Variants in CHTF8 observed in about 807,000 individuals in gnomAD.
CHTF8 encodes chromosome transmission fidelity factor 8, also known as chromosome transmission fidelity protein 8 homolog.
CHTF8 carries 6 observed loss-of-function variants against 11.0 expected under a neutral mutation model. The ratio of observed to expected loss-of-function variants is 0.55; its 90% CI spans 0.30 to 1.08. The LOEUF is 1.08. CHTF8 is among the 50% of genes least tolerant of loss of function. The probability of loss-of-function intolerance (pLI) is 0.07; values close to 1 mark genes in which losing one functional copy is unlikely to be tolerated. For missense variants in CHTF8, 140 were observed against 153.1 expected (o/e 0.91, Z 0.45); for synonymous variants, 53 against 60.5 (o/e 0.88, Z 0.57).
intron 1 of CHTF8, among the ~76,000 whole-genome samples, chr16:69,126,034 C>T (rs560391458): frequency 9.9e-5 from 15 of 152,006 alleles, no homozygotes; most frequent in Admixed American, 7.2e-4. Context: ...ATTTTAGCCA[C>T]GAATCAAAAA....
chr16:69,121,291 G>C (rs1314897357), intron 2 of CHTF8, 121 bp from the exon 3 acceptor site: 1 of 1,203,080 alleles, frequency 8.3e-7, no homozygotes, highest in Non-Finnish European at 1.2e-6. Flanking sequence ...TGGGAAATTG[G>C]GCAGTGCTAG....
chr16:69,121,637 C>T (rs184518841), intron 1 of CHTF8, 144 bp from the exon 2 acceptor site: 55 of 538,752 alleles, frequency 1.0e-4, no homozygotes, highest in Non-Finnish European at 1.5e-4. Context: ...ACCACTATGG[C>T]CAGCTAACTT....
Position 69,120,685 on chromosome 16 carries a change from G to A in CHTF8, c.142-36C>T, listed in dbSNP as rs199912103. 1.7e-4 allele frequency: 265 copies of A among 1,570,924 alleles called. 2 individuals carry two copies. The South Asian group carries it at 2.3e-3, about 14-fold the overall frequency. On this transcript the variant is annotated intron_variant, in intron 3 of 3. Coordinates refer to ENST00000448552, the MANE Select transcript of CHTF8 (RefSeq NM_001039690.5). This position sits in a 1 kb window ranked among gnomAD's most constrained non-coding sequence, Gnocchi z 4.0. ...ACAAGAACGAGATTCCTGAGGTTCC[G>A]GGGCAAGGCCATAACACTCAGGCGC...
rs1961343497 is a variant in CHTF8, at chr16:69,118,516, C to T, written c.*1909G>A. On this transcript the variant is annotated 3_prime_UTR_variant, in exon 4 of 4. Transcript: ENST00000448552. The stretch of plus-strand genomic sequence containing the variant: ...TACATGTGAACTGGGACCTGCAGGC[C>T]AATGTATCCCTGAGGAAAAGTCCAC... 2 of 1,014,826 alleles carry T rather than the reference C, an allele frequency of 2.0e-6. No homozygotes were observed. The highest frequency in any genetic ancestry group is 1.6e-6 in the Non-Finnish European group (1 of 633,304). 62.9% of individuals were successfully genotyped at this position (1,014,826 alleles called of 1,614,324 possible).
chr16:69,127,473 T>A (rs1249817767), intron 1 of CHTF8, among the ~76,000 whole-genome samples: 2 of 152,162 alleles, frequency 1.3e-5, no homozygotes, highest in East Asian at 3.8e-4. Flanking sequence ...TCTAGTTGTT[T>A]GTTCTAAGAT....
chr16:69,124,372 T>A (rs1057480126), intron 1 of CHTF8, among the ~76,000 whole-genome samples: 2 of 152,144 alleles, frequency 1.3e-5, no homozygotes, highest in African/African-American at 4.8e-5. Context: ...AGTTAATAGG[T>A]ATTATAATTG....
rs148890627 is a variant in CHTF8, at chr16:69,118,841, G to A, written c.*1584C>T. The A allele has an allele frequency of 8.0e-4, 555 of 696,998 alleles. 2 individuals carry two copies. In the African/African-American group the frequency reaches 9.0e-3, roughly 11 times the overall value. 43.2% of individuals were successfully genotyped at this position (696,998 alleles called of 1,614,324 possible). A position where few individuals can be genotyped will look rare whatever the true frequency, so the allele number is the denominator to read the frequency against. On this transcript the variant is annotated 3_prime_UTR_variant, in exon 4 of 4. Transcript: ENST00000448552. The stretch of plus-strand genomic sequence containing the variant: ...GCCTAGAAACCAAGGTGGTCCTGGA[G>A]GGAAAATGGTGTTTAAGGGGGCAAC...
intron 2 of CHTF8, 68 bp from the exon 3 acceptor site, chr16:69,121,238 C>G: frequency 7.0e-7 from 1 of 1,432,036 alleles, no homozygotes; most frequent in Non-Finnish European, 9.7e-7. Context: ...CCTCACACCA[C>G]CATTTGAGGC....
Position 69,119,396 on chromosome 16 carries a change from A to C in CHTF8, c.*1029T>G, listed in dbSNP as rs751142746. ...CCAACTGGCCTTGAGAAATGAGCTG[A>C]ATTAGGGCCTATGGGGCCAGGAGCC... On this transcript the variant is annotated 3_prime_UTR_variant, in exon 4 of 4. Coordinates refer to ENST00000448552, the MANE Select transcript of CHTF8 (RefSeq NM_001039690.5). The C allele has an allele frequency of 1.4e-6, 1 of 702,596 alleles. No homozygotes were observed. The highest frequency in any genetic ancestry group is 1.7e-5 in the African/African-American group (1 of 57,170). 43.5% of individuals were successfully genotyped at this position (702,596 alleles called of 1,614,324 possible). A position where few individuals can be genotyped will look rare whatever the true frequency, so the allele number is the denominator to read the frequency against.
rs140772885 is a variant in CHTF8 at position 69,122,788 on chromosome 16, C to G, written c.-35-1295G>C. Among the ~76,000 whole-genome samples, 1,331 of 152,150 alleles carry G rather than the reference C, an allele frequency of 8.7e-3. 7 individuals are homozygous for G. Among genetic ancestry groups the G allele is most frequent in the Non-Finnish European group, 0.014 (978 of 67,978 alleles). On this transcript the variant is annotated intron_variant, in intron 1 of 3. Transcript: ENST00000448552. ...AACTCCTGACTTCAGGTTGGCCACC[C>G]ACTTTGGCCTCCCAAAGTGCTGGGA...
chr16:69,131,306 T>C (rs796948033), intron 1 of CHTF8: 1 of 152,172 alleles, frequency 6.6e-6, no homozygotes, highest in Non-Finnish European at 1.5e-5. Context: ...CTGGTATTTG[T>C]AGCAATGGGT....
At chr16:69,121,251 A>G in intron 2 of CHTF8, 81 bp from the exon 3 acceptor site, 6 of 1,372,908 alleles carry the variant, frequency 4.4e-6, no homozygotes, top group Non-Finnish European at 6.1e-6. Flanking sequence ...TTTGAGGCCC[A>G]AAGGACCTCT....
Position 69,118,022 on chromosome 16 carries a change from C to CATTT in CHTF8, c.*2399_*2402dup, listed in dbSNP as rs1296586581. 2.9e-6 allele frequency: 1 copy of CATTT among 344,180 alleles called. No homozygotes were observed. The highest frequency in any genetic ancestry group is 2.1e-5 in the African/African-American group (1 of 48,110). The allele number at this position is 344,180 out of a possible 1,614,324, so 21.3% of individuals were successfully genotyped here. ...AGTGACACCAGCAGCCCTCTCATCC[C>CATTT]ATTTATTAAAGAAACAGTAAGAAAA... On this transcript the variant is annotated 3_prime_UTR_variant, in exon 4 of 4. Coordinates refer to ENST00000448552, the MANE Select transcript of CHTF8 (RefSeq NM_001039690.5).
At chr16:69,122,539 ATT>A (rs764144816) in intron 1 of CHTF8, among the ~76,000 whole-genome samples, 23 of 130,686 alleles carry the variant, frequency 1.8e-4, no homozygotes, top group Admixed American at 1.5e-4. Context: ...TACCCAGCTA[ATT>A]TTTTTTTTTT....
rs747822469 is a variant in CHTF8 at position 69,118,295 on chromosome 16, A to C, written c.*2130T>G. 2.6e-5 allele frequency: 28 copies of C among 1,096,744 alleles called. No individual in the cohort carries two copies. Among genetic ancestry groups the C allele is most frequent in the Non-Finnish European group, 3.8e-5 (27 of 710,208 alleles). 67.9% of individuals were successfully genotyped at this position (1,096,744 alleles called of 1,614,324 possible). A position where few individuals can be genotyped will look rare whatever the true frequency, so the allele number is the denominator to read the frequency against. ...CTGCAGGCCCAGTCAGTCAAGCAGA[A>C]ACTGCATTCGGTGGGTCTTTCTTTG... On this transcript the variant is annotated 3_prime_UTR_variant, in exon 4 of 4. Coordinates refer to ENST00000448552, the MANE Select transcript of CHTF8 (RefSeq NM_001039690.5).
chr16:69,130,626 T>C (rs1367678205), intron 1 of CHTF8, among the ~76,000 whole-genome samples: 4 of 152,226 alleles, frequency 2.6e-5, no homozygotes, highest in African/African-American at 7.2e-5. Context: ...ACACCTATTT[T>C]GAAAGGCTGT....
In CHTF8 at chr16:69,118,483, C is replaced by G. The variant is rs775610735; in HGVS notation, c.*1942G>C. ...AGTGAGCTGATTCTCCAATGGTGAG[C>G]AGGGGACTACATGTGAACTGGGACC... On this transcript the variant is annotated 3_prime_UTR_variant, in exon 4 of 4. Coordinates refer to ENST00000448552, the MANE Select transcript of CHTF8 (RefSeq NM_001039690.5). 1.4e-6 allele frequency: 2 copies of G among 1,393,746 alleles called. No homozygotes were observed. The allele number at this position is 1,393,746 out of a possible 1,614,324, so 86.3% of individuals were successfully genotyped here.
intron 1 of CHTF8, chr16:69,132,101 G>C: frequency 6.4e-6 from 1 of 155,522 alleles, no homozygotes; most frequent in South Asian, 1.9e-4. Context: ...CGAGATTCCG[G>C]CCCTCGCCGC....
rs748688540 is a variant in CHTF8, at chr16:69,120,991, G to A, written c.141+62C>T. On this transcript the variant is annotated intron_variant, in intron 3 of 3. Transcript: ENST00000448552. The surrounding 1 kb of genome is among the most constrained non-coding windows in gnomAD (Gnocchi z 4.0). ...GCAGTCCTCACTCTGGGTCCTGGGA[G>A]CACCACCTTGGTGTAGCTTGCTTTC... The A allele has an allele frequency of 2.0e-4, 273 of 1,399,376 alleles. 1 individual carries two copies. The highest frequency in any genetic ancestry group is 2.6e-4 in the Non-Finnish European group (259 of 983,974). 86.7% of individuals were successfully genotyped at this position (1,399,376 alleles called of 1,614,324 possible).
Sources: gnomAD v4.1 joint callset for allele counts (sites outside exome capture counted in the v4.1 genomes callset) on GRCh38, gnomAD v4.1.1 for gene constraint, Gnocchi (gnomAD v3.1) non-coding constraint, MANE v1.5 for transcripts, NCBI Gene and HGNC (gene_info 2026-07-23, HGNC 2026-07-21) for gene names.